NBEA: variants seen among roughly 807,000 people sequenced by gnomAD.
The protein encoded by NBEA is neurobeachin.
NBEA carries 44 observed loss-of-function variants against 343.4 expected under a neutral mutation model. The ratio of observed to expected loss-of-function variants is 0.13; its 90% CI spans 0.10 to 0.16. The LOEUF (loss-of-function observed/expected upper bound fraction) is 0.16. NBEA is among the 10% of genes least tolerant of loss of function. NBEA has a pLI of 1.00. For missense variants in NBEA, 2,555 were observed against 3,631.3 expected (o/e 0.70, Z 7.62); for synonymous variants, 1,175 against 1,238.7 (o/e 0.95, Z 1.08).
intron 18 of NBEA, among the ~76,000 whole-genome samples, chr13:35,144,878 G>T (rs946672248): frequency 2.6e-5 from 4 of 152,164 alleles, no homozygotes; most frequent in Non-Finnish European, 5.9e-5. Flanking sequence ...TTACAAGGAG[G>T]TTAAACAAGT....
chr13:35,505,613 A>T (rs1441971360), intron 41 of NBEA, among the ~76,000 whole-genome samples: 3 of 152,196 alleles, frequency 2.0e-5, no homozygotes, highest in Non-Finnish European at 4.4e-5. Context: ...TTGTGATTCC[A>T]TCTTAGAAGG....
In NBEA at chr13:35,017,845, T is replaced by C. The variant is rs368777477; in HGVS notation, c.295-23088T>C. On this transcript the variant is annotated intron_variant, in intron 1 of 58. Transcript: ENST00000379939. ...TTTTGTGGCTTACTTAAAAAATATT[T>C]GCATAATCCAAGACAAGAAAAGATT... Among the ~76,000 whole-genome samples the C allele has an allele frequency of 2.6e-5, 4 of 152,300 alleles. No homozygotes were observed. The East Asian group carries it at 5.8e-4, about 22-fold the overall frequency.
intron 41 of NBEA, among the ~76,000 whole-genome samples, chr13:35,513,302 A>ATTTTTTT (rs754363500): frequency 1.4e-5 from 1 of 72,260 alleles, no homozygotes; most frequent in Admixed American, 1.8e-4. Flanking sequence ...ACACCTGGCA[A>ATTTTTTT]TTTTTTTTTT....
chr13:35,663,293 GT>G (rs1462805294), intron 55 of NBEA, among the ~76,000 whole-genome samples: 1 of 152,076 alleles, frequency 6.6e-6, no homozygotes, highest in African/African-American at 2.4e-5. Context: ...CCAGCCTCTG[GT>G]AACCACTATT....
At chr13:35,600,706 T>A (rs1387755267) in intron 47 of NBEA, among the ~76,000 whole-genome samples, 1 of 152,114 alleles carries the variant, frequency 6.6e-6, no homozygotes, top group African/African-American at 2.4e-5. Flanking sequence ...TGTCAAAAGG[T>A]TAAGAAACCT....
At chr13:35,087,432 TGGAA>T (rs2064832275) in intron 10 of NBEA, among the ~76,000 whole-genome samples, 2 of 151,880 alleles carry the variant, frequency 1.3e-5, no homozygotes, top group Admixed American at 1.3e-4. Flanking sequence ...AATTTGGAAG[TGGAA>T]GGGATTACAG....
chr13:35,363,056 G>A (rs1020566048), intron 38 of NBEA, among the ~76,000 whole-genome samples: 12 of 151,832 alleles, frequency 7.9e-5, no homozygotes, highest in Admixed American at 1.3e-4. Flanking sequence ...GACCTTCACC[G>A]TTGCCATTTA....
chr13:35,067,165 A>G (rs1429187712), intron 8 of NBEA, among the ~76,000 whole-genome samples: 3 of 152,130 alleles, frequency 2.0e-5, no homozygotes, highest in Admixed American at 2.0e-4. Flanking sequence ...TCTTTTAAAG[A>G]AGCTGAGAGA....
chr13:35,483,025 C>T (rs994611656), intron 41 of NBEA, among the ~76,000 whole-genome samples: 1 of 151,702 alleles, frequency 6.6e-6, no homozygotes, highest in African/African-American at 2.4e-5. Context: ...TGTCATGCTT[C>T]TAATTAAAGA....
At position 35,050,342 on chromosome 13, in the gene NBEA, T is replaced by G. The variant is rs1249524211; in HGVS notation, c.919T>G (p.Ser307Ala). 1 of 1,609,214 alleles carries G rather than the reference T, an allele frequency of 6.2e-7. No individual in the cohort carries two copies. Among genetic ancestry groups the G allele is most frequent in the Non-Finnish European group, 8.5e-7 (1 of 1,178,100 alleles). ...CTGTTTAATAGTCACATCATTGAAG[T>G]CCAAAGGAAAAGGTTTTCAGCATTG... ...GNCLIVTSLK[S>A]KGKGFQHCVK... is the part of the protein sequence containing the mutation. The change falls in exon 6 of 59, where the codon TCC becomes GCC. Residue 307 changes from serine to alanine, a missense_variant. Ser to Ala is a moderately conservative substitution (Grantham distance 99). This residue lies in a region of NBEA where 75 missense variants were observed against 237.4 expected (regional missense o/e 0.32). Coordinates refer to ENST00000379939, the MANE Select transcript of NBEA (RefSeq NM_001385012.1).
chr13:35,497,082 A>C (rs1172924098), intron 41 of NBEA, among the ~76,000 whole-genome samples: 1 of 152,076 alleles, frequency 6.6e-6, no homozygotes, highest in Non-Finnish European at 1.5e-5. Flanking sequence ...TAGAATCTGC[A>C]AAACAAAATG....
At chr13:35,082,685 T>C (rs923023531) in intron 10 of NBEA, among the ~76,000 whole-genome samples, 5 of 152,224 alleles carry the variant, frequency 3.3e-5, no homozygotes, top group Non-Finnish European at 7.3e-5. Flanking sequence ...TGAGCATTTT[T>C]TCGTGTGTCT....
intron 38 of NBEA, among the ~76,000 whole-genome samples, chr13:35,404,213 G>C (rs1305215798): frequency 6.6e-6 from 1 of 151,980 alleles, no homozygotes; most frequent in Non-Finnish European, 1.5e-5. Flanking sequence ...CAGGGATCTA[G>C]AACTAGAAAT....
intron 41 of NBEA, among the ~76,000 whole-genome samples, chr13:35,518,822 G>A (rs1451139418): frequency 6.6e-6 from 1 of 152,102 alleles, no homozygotes; most frequent in Non-Finnish European, 1.5e-5. Flanking sequence ...GCTTTGATTT[G>A]GGGCGGTGTG....
intron 38 of NBEA, among the ~76,000 whole-genome samples, chr13:35,424,617 A>T (rs1296085597): frequency 3.3e-5 from 5 of 151,888 alleles, no homozygotes; most frequent in Non-Finnish European, 5.9e-5. Flanking sequence ...TCTCTTTTTC[A>T]GTTGGGTCTC....
chr13:34,942,559 G>GGGCGGGCACAGCCGCTTGCCC lies in NBEA; in HGVS notation c.-258_-238dup. 1 of 233,196 alleles carries GGGCGGGCACAGCCGCTTGCCC rather than the reference G, an allele frequency of 4.3e-6. No individual in the cohort carries two copies. Among genetic ancestry groups the GGGCGGGCACAGCCGCTTGCCC allele is most frequent in the South Asian group, 1.4e-4 (1 of 7,268 alleles). The allele number at this position is 233,196 out of a possible 1,614,324, so 14.4% of individuals were successfully genotyped here. On this transcript the variant is annotated 5_prime_UTR_variant, in exon 1 of 59. Transcript: ENST00000379939. ...CGGCAGCGGCAGCGGCACACCTGCTGGGCGGGCACAGCCGCTTGCCCGGCA... is the reference window on the plus strand; with the variant it reads ...CGGCAGCGGCAGCGGCACACCTGCTGGGCGGGCACAGCCGCTTGCCCGGCGGGCACAGCCGCTTGCCCGGCA...
rs1231207090 is a variant in NBEA at position 34,987,006 on chromosome 13, T to G, written c.294+43892T>G. 2.0e-5 allele frequency among the ~76,000 whole-genome samples: 3 copies of G among 151,012 alleles called. No homozygotes were observed. The East Asian group carries it at 5.8e-4, about 29-fold the overall frequency. On this transcript the variant is annotated intron_variant, in intron 1 of 58. Coordinates refer to ENST00000379939, the MANE Select transcript of NBEA (RefSeq NM_001385012.1). ...CTTTTAACTGGGGCATTTAGTCCAT[T>G]TACATTTAAGGTTAATATTTTTATG... is the stretch of plus-strand genomic sequence containing the variant.
chr13:35,343,712 C>T (rs1293733107), intron 36 of NBEA, among the ~76,000 whole-genome samples: 2 of 152,076 alleles, frequency 1.3e-5, no homozygotes, highest in Admixed American at 6.6e-5. Flanking sequence ...GTGAACTGTG[C>T]ATGCAAGGGA....
intron 36 of NBEA, among the ~76,000 whole-genome samples, chr13:35,320,817 T>A (rs1158541421): frequency 2.6e-5 from 4 of 152,134 alleles, no homozygotes; most frequent in Admixed American, 2.6e-4. Context: ...TTCTCTAATC[T>A]TGTCTTCACA....
Sources: gnomAD v4.1 joint callset for allele counts (sites outside exome capture counted in the v4.1 genomes callset) on GRCh38, gnomAD v4.1.1 for gene constraint, gnomAD v4.1.1 regional missense constraint, MANE v1.5 for transcripts, NCBI Gene and HGNC (gene_info 2026-07-23, HGNC 2026-07-21) for gene names.